Variants in ORC2 observed in about 807,000 individuals in gnomAD.
ORC2 encodes origin recognition complex subunit 2.
Under a neutral mutation model 77.7 loss-of-function variants are expected in ORC2, and 37 were observed. The ratio of observed to expected loss-of-function variants is 0.48; its 90% CI spans 0.37 to 0.63. The LOEUF is 0.63. Ranked by LOEUF, ORC2 falls within the 20% of genes least tolerant of loss-of-function variation. The pLI is 0.00. For synonymous variants in ORC2, 201 were observed against 229.5 expected (o/e 0.88, Z 1.12); for missense variants, 557 against 661.9 (o/e 0.84, Z 1.74).
intron 13 of ORC2, among the ~76,000 whole-genome samples, chr2:200,922,257 A>G (rs2040773607): frequency 6.6e-6 from 1 of 151,692 alleles, no homozygotes; most frequent in Non-Finnish European, 1.5e-5. Flanking sequence ...ACTATCAAAT[A>G]CAGCAGAGAT....
intron 11 of ORC2, among the ~76,000 whole-genome samples, chr2:200,929,432 T>C (rs779207891): frequency 6.6e-6 from 1 of 152,104 alleles, no homozygotes; most frequent in Non-Finnish European, 1.5e-5. Flanking sequence ...AAGAACTTTA[T>C]AGAAAGTCAA....
At position 200,911,351 on chromosome 2, in the gene ORC2, C is replaced by T; in HGVS notation, c.1684G>A (p.Asp562Asn). The T allele has an allele frequency of 6.2e-7, 1 of 1,607,262 alleles. No individual in the cohort carries two copies. The highest frequency in any genetic ancestry group is 8.5e-7 in the Non-Finnish European group (1 of 1,173,900). Residue 562 changes from aspartate (D) to asparagine (N), a missense_variant, in exon 18 of 18, where the codon GAT (aspartate) becomes AAT (asparagine). Asp to Asn is a conservative substitution (Grantham distance 23). Transcript: ENST00000234296. ...DGVEYLLIPV[D>N]NGTLTDFLEK... ...AAGAAATCAGTCAATGTTCCATTATCAACAGGAATTAATAAATACTCTACT... is the reference window on the plus strand; with the variant it reads ...AAGAAATCAGTCAATGTTCCATTATTAACAGGAATTAATAAATACTCTACT...
chr2:200,957,647 G>T, intron 3 of ORC2, 103 bp from the exon 4 acceptor site: 1 of 898,646 alleles, frequency 1.1e-6, no homozygotes, highest in Non-Finnish European at 1.5e-6. Flanking sequence ...TTACTTAAAA[G>T]CTGGGAAAAA....
At chr2:200,941,225 T>C (rs1207198432) in intron 7 of ORC2, 23 bp downstream of exon 7, 3 of 1,602,100 alleles carry the variant, frequency 1.9e-6, no homozygotes, top group Non-Finnish European at 2.6e-6. Flanking sequence ...ACTAAGGCTT[T>C]TGCTTTTTAG....
chr2:200,933,165 C>T (rs534093538), intron 10 of ORC2, among the ~76,000 whole-genome samples: 2 of 151,986 alleles, frequency 1.3e-5, no homozygotes, highest in Non-Finnish European at 2.9e-5. Context: ...GATTTTCTCA[C>T]TCAGATGGTT....
In ORC2 at chr2:200,941,281, T is replaced by G; in HGVS notation, c.422-2A>C. Reference sequence around the variant, plus strand: ...GAACCTTGTCTGAAGCAGAATGGCCTAAAGAATGAAACAAAAAGCCATGAC... The same window carrying G: ...GAACCTTGTCTGAAGCAGAATGGCCGAAAGAATGAAACAAAAAGCCATGAC... On this transcript the variant is annotated splice_acceptor_variant, in intron 6 of 17. Coordinates refer to ENST00000234296, the MANE Select transcript of ORC2 (RefSeq NM_006190.5). LOFTEE classifies it high-confidence loss of function. 1 of 1,609,304 alleles carries G rather than the reference T, an allele frequency of 6.2e-7. No homozygotes were observed.
chr2:200,913,944 G>A lies in ORC2; in HGVS notation c.1515C>T (p.Asn505=), dbSNP rs771949167. 1 of 1,586,634 alleles carries A rather than the reference G, an allele frequency of 6.3e-7. No homozygotes were observed. Among genetic ancestry groups the A allele is most frequent in the Non-Finnish European group, 8.5e-7 (1 of 1,170,482 alleles). ...LIKYQLDNQD[N]PSYIGLSFQD... is the part of the protein sequence containing the mutation. ...AATATTGGATACCAATGTAAGAAGG[G>A]TTATCCTGGTTGTCCAGCTGGTATT... The change falls in exon 16 of 18, where the codon AAC becomes AAT. Residue 505 remains asparagine (N), a synonymous_variant. Transcript: ENST00000234296.
At position 200,923,015 on chromosome 2, in the gene ORC2, C is replaced by T. The variant is rs377174141; in HGVS notation, c.1148-1876G>A. The stretch of plus-strand genomic sequence containing the variant: ...AACAGATTTGTTTCTCTTACAATAA[C>T]CTGCTAGTAATTCACTATATGCCCA... On this transcript the variant is annotated intron_variant, in intron 13 of 17. Coordinates refer to ENST00000234296, the MANE Select transcript of ORC2 (RefSeq NM_006190.5). Among the ~76,000 whole-genome samples, 5 of 152,212 alleles carry T rather than the reference C, an allele frequency of 3.3e-5. No homozygotes were observed. The East Asian group carries it at 9.7e-4, about 29-fold the overall frequency.
chr2:200,913,877 A>G, intron 16 of ORC2, 54 bp downstream of exon 16: 1 of 1,539,642 alleles, frequency 6.5e-7, no homozygotes, highest in Non-Finnish European at 8.7e-7. Context: ...AGAGACAGGA[A>G]ATGTACAGGG....
rs192680758 is a variant in ORC2, at chr2:200,945,402, G to C, written c.329-2625C>G. The stretch of plus-strand genomic sequence containing the variant: ...GAAACCCTGTCTCTACAAAAGAATA[G>C]AAAAATTAGCCAGGTGTGGTGGCGT... On this transcript the variant is annotated intron_variant, in intron 5 of 17. Coordinates refer to ENST00000234296, the MANE Select transcript of ORC2 (RefSeq NM_006190.5). Among the ~76,000 whole-genome samples the C allele has an allele frequency of 1.8e-3, 278 of 152,028 alleles. 3 individuals carry two copies. The highest frequency in any genetic ancestry group is 6.5e-3 in the African/African-American group (270 of 41,464).
At chr2:200,916,964 G>T (rs2040665238) in intron 15 of ORC2, among the ~76,000 whole-genome samples, 1 of 142,804 alleles carries the variant, frequency 7.0e-6, no homozygotes, top group African/African-American at 2.7e-5. Flanking sequence ...AAAGTGCTGG[G>T]ATTACAGGTG....
rs1484988590 is a variant in ORC2 at position 200,963,603 on chromosome 2, C to CAGT, written c.-176_-174dup. ...GGCCCCAACGGGAAAAGCCAATTTC[C>CAGT]AGTAATTCGCGCCCGACCACCGGGG... On this transcript the variant is annotated 5_prime_UTR_variant, in exon 1 of 18. Transcript: ENST00000234296. 2.5e-6 allele frequency: 1 copy of CAGT among 398,400 alleles called. No individual in the cohort carries two copies. The highest frequency in any genetic ancestry group is 2.1e-5 in the African/African-American group (1 of 48,610). 24.7% of individuals were successfully genotyped at this position (398,400 alleles called of 1,614,324 possible). A position where few individuals can be genotyped will look rare whatever the true frequency, so the allele number is the denominator to read the frequency against.
chr2:200,944,378 C>T (rs1224073599), intron 5 of ORC2, among the ~76,000 whole-genome samples: 2 of 152,050 alleles, frequency 1.3e-5, no homozygotes, highest in Non-Finnish European at 2.9e-5. Context: ...TTTCACCATG[C>T]TGGCCAGGCT....
intron 4 of ORC2, among the ~76,000 whole-genome samples, chr2:200,952,217 T>C (rs1331641146): frequency 1.3e-5 from 2 of 151,812 alleles, no homozygotes; most frequent in East Asian, 1.9e-4. Context: ...CTAGAATATA[T>C]AATTAGAATA....
chr2:200,933,929 C>G lies in ORC2; in HGVS notation c.754G>C (p.Val252Leu). Residue 252 changes from valine to leucine, a missense_variant, in exon 10 of 18, where the codon GTT (valine) becomes CTT (leucine). Physicochemically the swap from Val to Leu is conservative, Grantham distance 32 (BLOSUM62 1). Coordinates refer to ENST00000234296, the MANE Select transcript of ORC2 (RefSeq NM_006190.5). ...TGCAGTGTTCTATCAGAGGTTAAAA[C>G]TTTTGAACTGCTGTGAGCTTCAAAA... ...EYFEAHSSSK[V>L]LTSDRTLQKL... 3 of 1,611,314 alleles carry G rather than the reference C, an allele frequency of 1.9e-6. No homozygotes were observed. The highest frequency in any genetic ancestry group is 1.3e-5 in the African/African-American group (1 of 74,992).
At chr2:200,946,580 T>C (rs1346115431) in intron 5 of ORC2, among the ~76,000 whole-genome samples, 2 of 152,170 alleles carry the variant, frequency 1.3e-5, no homozygotes, top group East Asian at 1.9e-4. Flanking sequence ...CTTTCAGATA[T>C]GATGACAGAA....
At chr2:200,939,024 A>G (rs2041099887) in intron 7 of ORC2, among the ~76,000 whole-genome samples, 1 of 151,660 alleles carries the variant, frequency 6.6e-6, no homozygotes, top group South Asian at 2.1e-4. Flanking sequence ...GGACAACACA[A>G]TGAAACTCTT....
rs989596210 is a variant in ORC2 at position 200,909,949 on chromosome 2, G to T, written c.*1352C>A. On this transcript the variant is annotated 3_prime_UTR_variant, in exon 18 of 18. Coordinates refer to ENST00000234296, the MANE Select transcript of ORC2 (RefSeq NM_006190.5). ...GATGATTTTTTAAATTTTTTGTAGA[G>T]ACAAGGTCTCACTATGTTGCCCAGG... 6.6e-6 allele frequency: 1 copy of T among 152,050 alleles called. No homozygotes were observed. The highest frequency in any genetic ancestry group is 1.5e-5 in the Non-Finnish European group (1 of 68,056). The allele number at this position is 152,050 out of a possible 1,614,324, so 9.4% of individuals were successfully genotyped here.
chr2:200,932,490 C>T (rs891752550), intron 10 of ORC2, among the ~76,000 whole-genome samples: 6 of 152,020 alleles, frequency 3.9e-5, no homozygotes, highest in Non-Finnish European at 2.9e-5. Flanking sequence ...CAGGCGCGTG[C>T]CACCACGCCT....
Sources: gnomAD v4.1 joint callset for allele counts (sites outside exome capture counted in the v4.1 genomes callset) on GRCh38, gnomAD v4.1.1 for gene constraint, MANE v1.5 for transcripts, NCBI Gene and HGNC (gene_info 2026-07-23, HGNC 2026-07-21) for gene names.